PCDH15: variants seen among roughly 807,000 people sequenced by gnomAD.
The protein encoded by PCDH15 is protocadherin-15.
Under a neutral mutation model 178.5 loss-of-function variants are expected in PCDH15, and 129 were observed. The observed-to-expected ratio is 0.72, with a 90% CI of 0.63 to 0.84. PCDH15 has a LOEUF of 0.84. PCDH15 is among the 40% of genes least tolerant of loss of function. The probability of loss-of-function intolerance (pLI) is 0.00; values close to 1 mark genes in which losing one functional copy is unlikely to be tolerated. For synonymous variants in PCDH15, 800 were observed against 732.0 expected (o/e 1.09, Z -1.50); for missense variants, 2,230 against 2,099.9 (o/e 1.06, Z -1.21).
chr10:54,461,885 C>T (rs1268519724), intron 3 of PCDH15, among the ~76,000 whole-genome samples: 1 of 151,738 alleles, frequency 6.6e-6, no homozygotes, highest in African/African-American at 2.4e-5. Flanking sequence ...TTAATTCTTA[C>T]CAAGTTATTA....
chr10:55,393,126 A>G (rs1837839939), intron 2 of PCDH15, among the ~76,000 whole-genome samples: 1 of 152,070 alleles, frequency 6.6e-6, no homozygotes, highest in Non-Finnish European at 1.5e-5. Context: ...ATGTTAGAAT[A>G]ACTTGGGGCT....
At chr10:53,885,322 T>G (rs1377557672) in intron 26 of PCDH15, among the ~76,000 whole-genome samples, 1 of 152,116 alleles carries the variant, frequency 6.6e-6, no homozygotes, top group African/African-American at 2.4e-5. Context: ...AGATGTACAT[T>G]AATTAGTATA....
At chr10:53,828,090 C>T (rs1292664892) in intron 31 of PCDH15, among the ~76,000 whole-genome samples, 1 of 151,594 alleles carries the variant, frequency 6.6e-6, no homozygotes, top group Non-Finnish European at 1.5e-5. Flanking sequence ...CCTGTGATCC[C>T]AGCTACTGGG....
At chr10:54,866,312 T>G (rs897574438) in intron 3 of PCDH15, among the ~76,000 whole-genome samples, 3 of 152,200 alleles carry the variant, frequency 2.0e-5, no homozygotes, top group Admixed American at 1.3e-4. Context: ...CTTTTGCTAA[T>G]GAACAGTTCA....
chr10:54,705,456 A>G (rs1014313480), intron 1 of PCDH15, among the ~76,000 whole-genome samples: 1 of 152,160 alleles, frequency 6.6e-6, no homozygotes. Flanking sequence ...CTTGTTAGAT[A>G]TGCAATTTTG....
intron 1 of PCDH15, among the ~76,000 whole-genome samples, chr10:54,678,748 C>T (rs1283091852): frequency 3.9e-5 from 6 of 151,990 alleles, no homozygotes; most frequent in Non-Finnish European, 5.9e-5. Context: ...AATATTATAT[C>T]TGTAATAAAT....
chr10:53,924,562 G>A lies in PCDH15; in HGVS notation c.3373+14253C>T, dbSNP rs111572902. Among the ~76,000 whole-genome samples, 421 of 152,358 alleles carry A rather than the reference G, an allele frequency of 2.8e-3. 2 individuals are homozygous for A. Among genetic ancestry groups the A allele is most frequent in the African/African-American group, 9.2e-3 (382 of 41,598 alleles). ...CAACCGCCCAAGGGCTGAGGAGTGC[G>A]GGTGCACAGCGCCGGACTGGCGGGC... is the stretch of plus-strand genomic sequence containing the variant. On this transcript the variant is annotated intron_variant, in intron 25 of 37. Transcript: ENST00000644397.
At chr10:54,152,804 CCT>C (rs1318154553) in intron 14 of PCDH15, among the ~76,000 whole-genome samples, 1 of 151,682 alleles carries the variant, frequency 6.6e-6, no homozygotes, top group Non-Finnish European at 1.5e-5. Context: ...ACTTTGAAAC[CCT>C]GAGACATTAC....
At chr10:54,080,145 T>C (rs956972623) in intron 16 of PCDH15, among the ~76,000 whole-genome samples, 6 of 152,094 alleles carry the variant, frequency 3.9e-5, no homozygotes, top group African/African-American at 1.4e-4. Context: ...AAACCCCTTT[T>C]GTGGCTACAC....
chr10:53,849,188 G>A (rs1218676425), intron 28 of PCDH15, among the ~76,000 whole-genome samples: 3 of 152,012 alleles, frequency 2.0e-5, no homozygotes, highest in African/African-American at 4.8e-5. Context: ...CCACCTAAAT[G>A]TAGCAGCCCT....
At chr10:55,450,273 G>A (rs970534276) in intron 2 of PCDH15, among the ~76,000 whole-genome samples, 1 of 152,124 alleles carries the variant, frequency 6.6e-6, no homozygotes, top group Non-Finnish European at 1.5e-5. Flanking sequence ...GTTTATACAT[G>A]AGAAAAGTTT....
rs148853420 is a variant in PCDH15 at position 54,125,319 on chromosome 10, G to C, written c.1917+7556C>G. On this transcript the variant is annotated intron_variant, in intron 15 of 37. Coordinates refer to ENST00000644397, the MANE Select transcript of PCDH15 (RefSeq NM_001384140.1). ...GGAAAGAGAATCAAAGCATCAGAGCGAGTCACCTCACTGGGAGGTGGAACC... is the reference window on the plus strand; with the variant it reads ...GGAAAGAGAATCAAAGCATCAGAGCCAGTCACCTCACTGGGAGGTGGAACC... Among the ~76,000 whole-genome samples the C allele has an allele frequency of 7.0e-3, 1,069 of 152,274 alleles. 9 individuals are homozygous for C. The highest frequency in any genetic ancestry group is 0.024 in the African/African-American group (991 of 41,558).
At position 54,352,486 on chromosome 10, in the gene PCDH15, C is replaced by T. The variant is rs556940730; in HGVS notation, c.475-6002G>A. Among the ~76,000 whole-genome samples the T allele has an allele frequency of 2.4e-4, 37 of 152,062 alleles. 2 individuals are homozygous for T. In the South Asian group the frequency reaches 7.5e-3, roughly 31 times the overall value. On this transcript the variant is annotated intron_variant, in intron 5 of 37. Coordinates refer to ENST00000644397, the MANE Select transcript of PCDH15 (RefSeq NM_001384140.1). ...AATCCAAGTTTTTTGTTTTCTCCTA[C>T]CCAGGAAAAATGGAGAATATCTGAA...
At chr10:54,293,601 G>T (rs1219239276) in intron 8 of PCDH15, among the ~76,000 whole-genome samples, 2 of 152,004 alleles carry the variant, frequency 1.3e-5, no homozygotes, top group African/African-American at 4.8e-5. Flanking sequence ...AATCTACAAA[G>T]AACTCAAACA....
At chr10:55,308,381 T>C (rs994153010) in intron 1 of PCDH15, among the ~76,000 whole-genome samples, 3 of 152,138 alleles carry the variant, frequency 2.0e-5, no homozygotes, top group Non-Finnish European at 2.9e-5. Flanking sequence ...CAGAAACACT[T>C]TCCACTCGTA....
intron 5 of PCDH15, among the ~76,000 whole-genome samples, chr10:54,347,998 A>G (rs1044346298): frequency 2.0e-5 from 3 of 151,624 alleles, no homozygotes; most frequent in Admixed American, 6.6e-5. Flanking sequence ...ACAGGCGCCC[A>G]CCACCACGCC....
chr10:54,883,656 A>T (rs1378937515), intron 3 of PCDH15, among the ~76,000 whole-genome samples: 1 of 151,998 alleles, frequency 6.6e-6, no homozygotes, highest in Non-Finnish European at 1.5e-5. Flanking sequence ...CAGCAGTTTT[A>T]TGTGCTATCA....
chr10:55,193,020 T>TA (rs967657421), intron 1 of PCDH15, among the ~76,000 whole-genome samples: 9 of 150,400 alleles, frequency 6.0e-5, no homozygotes, highest in African/African-American at 2.2e-4. Context: ...CAAGATACTT[T>TA]AAAAAAGATG....
chr10:55,341,204 C>T (rs1210062003), intron 2 of PCDH15, among the ~76,000 whole-genome samples: 1 of 151,938 alleles, frequency 6.6e-6, no homozygotes, highest in Non-Finnish European at 1.5e-5. Context: ...CATTTAAAGG[C>T]TACTATAATT....
Sources: gnomAD v4.1 joint callset for allele counts (sites outside exome capture counted in the v4.1 genomes callset) on GRCh38, gnomAD v4.1.1 for gene constraint, MANE v1.5 for transcripts, NCBI Gene and HGNC (gene_info 2026-07-23, HGNC 2026-07-21) for gene names.